Variants in GPRIN3 observed in about 807,000 individuals in gnomAD.
GPRIN3 encodes the protein G protein-regulated inducer of neurite outgrowth 3.
Under a neutral mutation model 13.7 loss-of-function variants are expected in GPRIN3, and 12 were observed. The observed-to-expected ratio is 0.87, with a 90% CI of 0.56 to 1.42. The LOEUF (loss-of-function observed/expected upper bound fraction) is 1.42. Ranked by LOEUF, GPRIN3 falls within the 40% of genes most tolerant of loss-of-function variation. The probability of loss-of-function intolerance (pLI) is 0.00; values close to 1 mark genes in which losing one functional copy is unlikely to be tolerated. For missense variants in GPRIN3, 1,009 were observed against 958.7 expected (o/e 1.05, Z -0.69); for synonymous variants, 377 against 372.7 (o/e 1.01, Z -0.13).
chr4:89,242,637 TAC>T lies in GPRIN3; in HGVS notation c.*5141_*5142del, dbSNP rs1271245667. The T allele has an allele frequency of 1.3e-5, 2 of 152,198 alleles. No homozygotes were observed. The highest frequency in any genetic ancestry group is 3.9e-4 in the East Asian group (2 of 5,194). 9.4% of individuals were successfully genotyped at this position (152,198 alleles called of 1,614,324 possible). On this transcript the variant is annotated 3_prime_UTR_variant, in exon 2 of 2. Coordinates refer to ENST00000609438, the MANE Select transcript of GPRIN3 (RefSeq NM_198281.3). The stretch of plus-strand genomic sequence containing the variant: ...CCTTTGCTTATTTTATCCTGTGGGT[TAC>T]AGTCAGTCTTCATAAAGCAAACCAT...
chr4:89,296,676 T>G (rs950013225), intron 1 of GPRIN3, among the ~76,000 whole-genome samples: 3 of 152,228 alleles, frequency 2.0e-5, no homozygotes, highest in Non-Finnish European at 4.4e-5. Flanking sequence ...TGCATATGTA[T>G]GTGTGTGGGT....
rs183935339 is a variant in GPRIN3, at chr4:89,291,561, T to A, written c.-124+16054A>T. ...CACTGCATGAATGTGCCACTGTTTG[T>A]TTATTCCTTTACTAGTTGAGGGACA... On this transcript the variant is annotated intron_variant, in intron 1 of 1. Coordinates refer to ENST00000609438, the MANE Select transcript of GPRIN3 (RefSeq NM_198281.3). Among the ~76,000 whole-genome samples, 150 of 152,362 alleles carry A rather than the reference T, an allele frequency of 9.8e-4. 2 individuals carry two copies. Among genetic ancestry groups the A allele is most frequent in the Non-Finnish European group, 1.7e-3 (118 of 68,038 alleles).
At chr4:89,295,489 C>T (rs769344448) in intron 1 of GPRIN3, among the ~76,000 whole-genome samples, 1 of 152,082 alleles carries the variant, frequency 6.6e-6, no homozygotes, top group African/African-American at 2.4e-5. Flanking sequence ...CTCCATAGGG[C>T]GTAGGGCTAA....
At position 89,239,686 on chromosome 4, in the gene GPRIN3, G is replaced by C. The variant is rs1426805947; in HGVS notation, c.*8094C>G. On this transcript the variant is annotated 3_prime_UTR_variant, in exon 2 of 2. Coordinates refer to ENST00000609438, the MANE Select transcript of GPRIN3 (RefSeq NM_198281.3). ...TTTATATTTTCTTTTTTTTGAGACA[G>C]AGCCTTGCCCTGTCTCCCAGGCTGG... The C allele has an allele frequency of 6.6e-6, 1 of 152,088 alleles. No individual in the cohort carries two copies. The highest frequency in any genetic ancestry group is 1.5e-5 in the Non-Finnish European group (1 of 68,014). The allele number at this position is 152,088 out of a possible 1,614,324, so 9.4% of individuals were successfully genotyped here.
intron 1 of GPRIN3, among the ~76,000 whole-genome samples, chr4:89,302,826 CTGAT>C (rs1724935004): frequency 6.6e-6 from 1 of 152,044 alleles, no homozygotes; most frequent in Non-Finnish European, 1.5e-5. Flanking sequence ...TTTGAACACT[CTGAT>C]ATGGATAAGA....
At chr4:89,251,092 T>C (rs1723313611) in intron 1 of GPRIN3, 1 of 152,096 alleles carries the variant, frequency 6.6e-6, no homozygotes, top group South Asian at 2.1e-4. Context: ...ACCTATAATA[T>C]AGCAGGAGCT....
intron 1 of GPRIN3, among the ~76,000 whole-genome samples, chr4:89,307,087 C>T (rs17015404): frequency 0.34 from 51,326 of 151,812 alleles, 8,785 homozygotes; most frequent in Admixed American, 0.39. Flanking sequence ...GTCTCTACAA[C>T]GATTTCCCTT....
intron 1 of GPRIN3, among the ~76,000 whole-genome samples, chr4:89,295,122 C>A (rs1380236895): frequency 6.6e-6 from 1 of 152,172 alleles, no homozygotes; most frequent in Non-Finnish European, 1.5e-5. Flanking sequence ...CACGAAAGTA[C>A]TAATTTTTTC....
chr4:89,300,736 T>C (rs747243144), intron 1 of GPRIN3, among the ~76,000 whole-genome samples: 2 of 152,134 alleles, frequency 1.3e-5, no homozygotes, highest in Admixed American at 6.6e-5. Flanking sequence ...ACCCTGACAA[T>C]GATAGACTTC....
intron 1 of GPRIN3, among the ~76,000 whole-genome samples, chr4:89,293,723 A>G (rs530034594): frequency 6.6e-6 from 1 of 152,322 alleles, no homozygotes; most frequent in Non-Finnish European, 1.5e-5. Flanking sequence ...CCCAGTTGCC[A>G]GCTCTGCTAA....
At chr4:89,258,238 T>A (rs1400160856) in intron 1 of GPRIN3, among the ~76,000 whole-genome samples, 14 of 151,534 alleles carry the variant, frequency 9.2e-5, no homozygotes, top group Non-Finnish European at 2.1e-4. Flanking sequence ...AGCATTTTTT[T>A]TTTTTGAGAC....
chr4:89,287,680 T>C (rs528400477), intron 1 of GPRIN3, among the ~76,000 whole-genome samples: 44 of 152,268 alleles, frequency 2.9e-4, no homozygotes, highest in African/African-American at 1.1e-3. Flanking sequence ...TAGACTTCAA[T>C]GCCAGGTTAA....
intron 1 of GPRIN3, among the ~76,000 whole-genome samples, chr4:89,259,137 G>A (rs1202201019): frequency 6.6e-6 from 1 of 151,660 alleles, no homozygotes; most frequent in Non-Finnish European, 1.5e-5. Flanking sequence ...ACTTGAAGAA[G>A]TAACATTTAG....
intron 1 of GPRIN3, among the ~76,000 whole-genome samples, chr4:89,275,668 C>G (rs1003904881): frequency 1.3e-5 from 2 of 152,216 alleles, no homozygotes; most frequent in African/African-American, 4.8e-5. Context: ...TCACCCATTT[C>G]CTACCAGCCC....
At position 89,280,098 on chromosome 4, in the gene GPRIN3, G is replaced by A. The variant is rs149381731; in HGVS notation, c.-124+27517C>T. Among the ~76,000 whole-genome samples, 404 of 152,010 alleles carry A rather than the reference G, an allele frequency of 2.7e-3. 8 individuals are homozygous for A. In the East Asian group the frequency reaches 0.028, roughly 11 times the overall value. ...TGCCAGAAACTTCAAAGTCATTCTC[G>A]CCTCTCTCTCCTCATTGCTGACATC... On this transcript the variant is annotated intron_variant, in intron 1 of 1. Coordinates refer to ENST00000609438, the MANE Select transcript of GPRIN3 (RefSeq NM_198281.3).
chr4:89,290,219 G>A (rs534312813), intron 1 of GPRIN3, among the ~76,000 whole-genome samples: 11 of 151,872 alleles, frequency 7.2e-5, no homozygotes, highest in Middle Eastern at 3.4e-3. Flanking sequence ...ATCCTCTTGC[G>A]TAGGCCTCCC....
At chr4:89,275,800 A>G (rs1724076205) in intron 1 of GPRIN3, among the ~76,000 whole-genome samples, 1 of 152,202 alleles carries the variant, frequency 6.6e-6, no homozygotes, top group Admixed American at 6.5e-5. Context: ...GACGAACTAC[A>G]ATGCCGTCAC....
chr4:89,255,941 C>T (rs763132803), intron 1 of GPRIN3, among the ~76,000 whole-genome samples: 2 of 152,210 alleles, frequency 1.3e-5, no homozygotes, highest in Non-Finnish European at 2.9e-5. Flanking sequence ...TCCTTGACAG[C>T]AGACTCTTTT....
chr4:89,285,891 T>C (rs527309032), intron 1 of GPRIN3, among the ~76,000 whole-genome samples: 22 of 152,194 alleles, frequency 1.4e-4, no homozygotes, highest in Admixed American at 3.3e-4. Context: ...CTCCAACTGC[T>C]TAATTTATCC....
Sources: allele counts gnomAD v4.1 joint callset (sites outside exome capture counted in the v4.1 genomes callset), GRCh38; gene constraint gnomAD v4.1.1; transcripts MANE v1.5; gene names NCBI Gene and HGNC (gene_info 2026-07-23, HGNC 2026-07-21).